Variants in OPCML observed in about 807,000 individuals in gnomAD.
OPCML encodes opioid-binding protein/cell adhesion molecule.
Under a neutral mutation model 37.8 loss-of-function variants are expected in OPCML, and 13 were observed. The ratio of observed to expected loss-of-function variants is 0.34; its 90% CI spans 0.22 to 0.55. The LOEUF (loss-of-function observed/expected upper bound fraction) is 0.55. Ranked by LOEUF, OPCML falls within the 20% of genes least tolerant of loss-of-function variation. The probability of loss-of-function intolerance (pLI) is 0.91; values close to 1 mark genes in which losing one functional copy is unlikely to be tolerated. For synonymous variants in OPCML, 176 were observed against 168.8 expected (o/e 1.04, Z -0.33); for missense variants, 341 against 435.6 (o/e 0.78, Z 1.93).
chr11:133,186,227 T>C (rs1209178580), intron 1 of OPCML, among the ~76,000 whole-genome samples: 1 of 151,934 alleles, frequency 6.6e-6, no homozygotes, highest in East Asian at 1.9e-4. Context: ...TGCTGTGGGC[T>C]ATGCCTGTAA....
intron 3 of OPCML, among the ~76,000 whole-genome samples, chr11:132,614,124 C>T (rs1938837508): frequency 6.6e-6 from 1 of 152,076 alleles, no homozygotes; most frequent in African/African-American, 2.4e-5. Context: ...CTTTCCCATG[C>T]CTTAGGCCTA....
chr11:133,399,007 T>C (rs1592265065), intron 1 of OPCML, among the ~76,000 whole-genome samples: 1 of 152,324 alleles, frequency 6.6e-6, no homozygotes, highest in South Asian at 2.1e-4. Flanking sequence ...ATATACCTGG[T>C]ACTACAACTG....
In OPCML at chr11:133,144,829, C is replaced by T. The variant is rs117162766; in HGVS notation, c.62-201819G>A. 6.1e-4 allele frequency among the ~76,000 whole-genome samples: 93 copies of T among 152,302 alleles called. 1 individual carries two copies. The East Asian group carries it at 0.017, about 28-fold the overall frequency. On this transcript the variant is annotated intron_variant, in intron 1 of 7. Coordinates refer to ENST00000524381, the MANE Select transcript of OPCML (RefSeq NM_001012393.5). ...ATATTTCCATCATGTTCTAGTAAAA[C>T]AGCAGAAGCTATAGATCCAAATTCA... is the stretch of plus-strand genomic sequence containing the variant.
chr11:132,738,535 T>A (rs1945331281), intron 2 of OPCML, among the ~76,000 whole-genome samples: 1 of 152,204 alleles, frequency 6.6e-6, no homozygotes, highest in African/African-American at 2.4e-5. Context: ...ACTTGTAACA[T>A]GAAAGTCTGA....
intron 1 of OPCML, among the ~76,000 whole-genome samples, chr11:133,090,150 T>G (rs572752647): frequency 1.3e-5 from 2 of 152,236 alleles, no homozygotes; most frequent in East Asian, 3.9e-4. Context: ...CCTTACTACT[T>G]AGACATGCTT....
chr11:133,112,106 T>C (rs1383520516), intron 1 of OPCML, among the ~76,000 whole-genome samples: 1 of 152,110 alleles, frequency 6.6e-6, no homozygotes, highest in African/African-American at 2.4e-5. Flanking sequence ...TATGTACTTT[T>C]ATTATCCTAC....
chr11:133,193,716 A>T (rs985642783), intron 1 of OPCML, among the ~76,000 whole-genome samples: 1 of 152,186 alleles, frequency 6.6e-6, no homozygotes, highest in Non-Finnish European at 1.5e-5. Flanking sequence ...AATAATTCTG[A>T]TCCAAAGTCT....
At chr11:133,161,985 CTTTTTTTTTT>C (rs553617547) in intron 1 of OPCML, among the ~76,000 whole-genome samples, 76 of 85,484 alleles carry the variant, frequency 8.9e-4, no homozygotes, top group African/African-American at 2.7e-3. Context: ...CAGTCTCTGT[CTTTTTTTTTT>C]TTTTTTTTTT....
chr11:132,621,250 T>G (rs1051847218), intron 3 of OPCML, among the ~76,000 whole-genome samples: 4 of 152,240 alleles, frequency 2.6e-5, no homozygotes, highest in Non-Finnish European at 5.9e-5. Context: ...TCTGGTAATT[T>G]CTATTAAATC....
chr11:133,326,482 GA>G (rs143703490), intron 1 of OPCML, among the ~76,000 whole-genome samples: 22,274 of 127,096 alleles, frequency 0.18, 2,165 homozygotes, highest in South Asian at 0.22. Flanking sequence ...GTATGTGTAT[GA>G]GGGGGTGTGG....
intron 1 of OPCML, among the ~76,000 whole-genome samples, chr11:133,310,163 T>G (rs1943033117): frequency 6.6e-6 from 1 of 152,250 alleles, no homozygotes; most frequent in Non-Finnish European, 1.5e-5. Flanking sequence ...CGCACAAATC[T>G]GATTTCACAA....
At chr11:133,116,247 G>A (rs1156620494) in intron 1 of OPCML, among the ~76,000 whole-genome samples, 1 of 152,208 alleles carries the variant, frequency 6.6e-6, no homozygotes. Flanking sequence ...GATTACAGGT[G>A]TGAGCCACTG....
chr11:132,989,055 C>T (rs553143180), intron 1 of OPCML, among the ~76,000 whole-genome samples: 2 of 152,264 alleles, frequency 1.3e-5, no homozygotes, highest in Admixed American at 6.5e-5. Flanking sequence ...GGAGAAGCTG[C>T]GAATGTTCAG....
chr11:132,441,842 G>C (rs2096036775), intron 4 of OPCML, among the ~76,000 whole-genome samples: 1 of 152,222 alleles, frequency 6.6e-6, no homozygotes, highest in Non-Finnish European at 1.5e-5. Context: ...TTGGGGATAG[G>C]ATGAGCAGAA....
intron 1 of OPCML, among the ~76,000 whole-genome samples, chr11:133,244,826 C>T (rs140112443): frequency 1.6e-3 from 248 of 152,248 alleles, no homozygotes; most frequent in Non-Finnish European, 2.8e-3. Flanking sequence ...AGCTGGGAGT[C>T]GATTAAACTT....
intron 1 of OPCML, among the ~76,000 whole-genome samples, chr11:133,426,973 C>T (rs1409613426): frequency 6.6e-6 from 1 of 152,080 alleles, no homozygotes; most frequent in South Asian, 2.1e-4. Context: ...ATATAAAAAT[C>T]AGTGTAGAAA....
At chr11:133,267,197 C>T (rs934795701) in intron 1 of OPCML, among the ~76,000 whole-genome samples, 5 of 152,178 alleles carry the variant, frequency 3.3e-5, no homozygotes, top group African/African-American at 7.2e-5. Flanking sequence ...GCAATTTACT[C>T]GCAGTTTGAT....
chr11:133,290,594 C>A (rs1942447848), intron 1 of OPCML, among the ~76,000 whole-genome samples: 1 of 152,188 alleles, frequency 6.6e-6, no homozygotes, highest in Non-Finnish European at 1.5e-5. Context: ...GCACCAGACC[C>A]AGAGACCCCT....
At chr11:132,648,595 C>T (rs1273593609) in intron 3 of OPCML, among the ~76,000 whole-genome samples, 1 of 151,268 alleles carries the variant, frequency 6.6e-6, no homozygotes, top group East Asian at 2.0e-4. Context: ...TCTTGGCTCA[C>T]TGCAACCTCC....
Sources: gnomAD v4.1 joint callset for allele counts (sites outside exome capture counted in the v4.1 genomes callset) on GRCh38, gnomAD v4.1.1 for gene constraint, MANE v1.5 for transcripts, NCBI Gene and HGNC (gene_info 2026-07-23, HGNC 2026-07-21) for gene names.